The following LOXL2 variants were observed in gnomAD, a reference collection of about 807,000 sequenced individuals.
LOXL2 encodes lysyl oxidase like 2.
Under a neutral mutation model 93.0 loss-of-function variants are expected in LOXL2, and 70 were observed. That is an observed-to-expected ratio of 0.75 (90% CI 0.62 to 0.92). The LOEUF is 0.92. LOXL2 is among the 40% of genes least tolerant of loss of function. LOXL2 has a pLI of 0.00. For missense variants in LOXL2, 973 were observed against 1,054.9 expected (o/e 0.92, Z 1.08); for synonymous variants, 438 against 413.2 (o/e 1.06, Z -0.73).
chr8:23,352,376 A>T (rs964047385), intron 3 of LOXL2, among the ~76,000 whole-genome samples: 1 of 152,040 alleles, frequency 6.6e-6, no homozygotes, highest in South Asian at 2.1e-4. Flanking sequence ...GCATGGGGGG[A>T]CCACTATCTT....
intron 1 of LOXL2, among the ~76,000 whole-genome samples, chr8:23,403,709 G>C (rs937947532): frequency 2.6e-5 from 4 of 151,890 alleles, no homozygotes; most frequent in Admixed American, 6.6e-5. Context: ...CTCGCTCCCC[G>C]GGCGCGCCAG....
In LOXL2 at chr8:23,333,639, G is replaced by T. The variant is rs199523323; in HGVS notation, c.744-16C>A. On this transcript the variant is annotated splice_polypyrimidine_tract_variant and intron_variant, in intron 4 of 13. Transcript: ENST00000389131. ...GGCAAACATTCTGCAGACGATGGGA[G>T]GGGACAGGGGACCAGGGCATCATGA... is the stretch of plus-strand genomic sequence containing the variant. 69 of 1,600,302 alleles carry T rather than the reference G, an allele frequency of 4.3e-5. No individual in the cohort carries two copies. The African/African-American group carries it at 9.1e-4, about 21-fold the overall frequency.
At chr8:23,310,617 ATAACTTATTTTTTTC>A in intron 9 of LOXL2, among the ~76,000 whole-genome samples, 1 of 152,240 alleles carries the variant, frequency 6.6e-6, no homozygotes, top group South Asian at 2.1e-4. Flanking sequence ...ATCTGTGCAT[ATAACTTATTTTTTTC>A]TTTAGAATAT....
chr8:23,346,158 A>AATAAAATAATAAAAT (rs1554479829), intron 3 of LOXL2, among the ~76,000 whole-genome samples: 1 of 138,098 alleles, frequency 7.2e-6, no homozygotes, highest in Non-Finnish European at 1.5e-5. Flanking sequence ...AAATAAAATA[A>AATAAAATAATAAAAT]AAAATAAAAT....
chr8:23,308,584 A>G (rs1159419173), intron 10 of LOXL2, among the ~76,000 whole-genome samples: 1 of 152,166 alleles, frequency 6.6e-6, no homozygotes, highest in East Asian at 1.9e-4. Flanking sequence ...TTCAGGTCTG[A>G]GCAAAAAAAT....
At chr8:23,328,682 G>T in intron 5 of LOXL2, 117 bp from the exon 6 acceptor site, 1 of 871,608 alleles carries the variant, frequency 1.1e-6, no homozygotes, top group Non-Finnish European at 1.8e-6. Flanking sequence ...ACTCAGTCTG[G>T]GAGCTGCAAC....
intron 1 of LOXL2, among the ~76,000 whole-genome samples, chr8:23,383,876 G>T (rs1360231212): frequency 2.6e-5 from 4 of 151,866 alleles, no homozygotes; most frequent in African/African-American, 7.3e-5. Context: ...TAGCCAGGAT[G>T]GTCTCGATCT....
rs1185917698 is a variant in LOXL2, at chr8:23,297,344, G to A, written c.*699C>T. On this transcript the variant is annotated 3_prime_UTR_variant, in exon 14 of 14. Coordinates refer to ENST00000389131, the MANE Select transcript of LOXL2 (RefSeq NM_002318.3). ...AGGAAGATGAGTCACTTACACAGTG[G>A]GTTGGTTTTTCCTTAGATTTGTACT... 1 of 152,148 alleles carries A rather than the reference G, an allele frequency of 6.6e-6. No homozygotes were observed. Among genetic ancestry groups the A allele is most frequent in the African/African-American group, 2.4e-5 (1 of 41,394 alleles). The allele number at this position is 152,148 out of a possible 1,614,324, so 9.4% of individuals were successfully genotyped here. A position where few individuals can be genotyped will look rare whatever the true frequency, so the allele number is the denominator to read the frequency against.
intron 5 of LOXL2, among the ~76,000 whole-genome samples, chr8:23,332,950 C>G (rs1220543549): frequency 6.6e-6 from 1 of 151,044 alleles, no homozygotes; most frequent in African/African-American, 2.4e-5. Flanking sequence ...TATAATGTGA[C>G]TAATGTATAG....
intron 2 of LOXL2, among the ~76,000 whole-genome samples, chr8:23,360,956 A>T (rs1238841898): frequency 6.6e-6 from 1 of 151,432 alleles, no homozygotes; most frequent in Non-Finnish European, 1.5e-5. Flanking sequence ...GCTGGAGTGC[A>T]GTGGCGTGAT....
At chr8:23,338,054 G>A (rs534716559) in intron 4 of LOXL2, among the ~76,000 whole-genome samples, 5 of 152,340 alleles carry the variant, frequency 3.3e-5, no homozygotes, top group Non-Finnish European at 5.9e-5. Flanking sequence ...CATGGCAGAA[G>A]GTGAAGGAGG....
chr8:23,368,170 G>C lies in LOXL2; in HGVS notation c.182C>G (p.Ala61Gly), dbSNP rs1033058356. 1.2e-6 allele frequency: 2 copies of C among 1,614,102 alleles called. No homozygotes were observed. Among genetic ancestry groups the C allele is most frequent in the Non-Finnish European group, 1.7e-6 (2 of 1,180,024 alleles). The change falls in exon 2 of 14, where the codon GCT becomes GGT. Residue 61 changes from alanine (A) to glycine (G), a missense_variant. Ala to Gly is a moderately conservative substitution (Grantham distance 60). Coordinates refer to ENST00000389131, the MANE Select transcript of LOXL2 (RefSeq NM_002318.3). The part of the protein sequence containing the change: ...ANVAKIQLRL[A>G]GQKRKHSEGR... ...CTCGCTGTGCTTCCTCTTCTGCCCA[G>C]CCAGGCGCAGCTGAATCTTGGCCAC...
intron 1 of LOXL2, among the ~76,000 whole-genome samples, chr8:23,384,725 C>T (rs1207117807): frequency 2.0e-5 from 3 of 152,100 alleles, no homozygotes; most frequent in Admixed American, 6.5e-5. Context: ...ACCAGCCTGG[C>T]CAATGTGGTG....
In LOXL2 at chr8:23,333,956, G is replaced by A. The variant is rs182686507; in HGVS notation, c.744-333C>T. On this transcript the variant is annotated intron_variant, in intron 4 of 13. Transcript: ENST00000389131. ...GAATGCACAAAGGTATTTAAAACAG[G>A]TGAGATCCCTGGTCCTAGAAAACCC... is the stretch of plus-strand genomic sequence containing the variant. 2.5e-3 allele frequency among the ~76,000 whole-genome samples: 388 copies of A among 152,294 alleles called. 1 individual carries two copies. Among genetic ancestry groups the A allele is most frequent in the African/African-American group, 8.5e-3 (354 of 41,562 alleles).
intron 1 of LOXL2, among the ~76,000 whole-genome samples, chr8:23,381,259 A>G (rs1229286238): frequency 6.6e-6 from 1 of 152,216 alleles, no homozygotes; most frequent in Admixed American, 6.5e-5. Flanking sequence ...ATGGATACAT[A>G]ATAATCAAGT....
chr8:23,368,314 A>C lies in LOXL2; in HGVS notation c.38T>G (p.Leu13Arg). The part of the protein sequence containing the change: ...RPLCSHLCSC[L>R]AMLALLSPLS... ...GGGGGACAGGAGGGCCAGCATAGCC[A>C]GGCAGCTGCAGAGGTGGGAGCACAG... Residue 13 changes from leucine (L) to arginine (R), a missense_variant, in exon 2 of 14, where the codon CTG becomes CGG. By Grantham distance (102) the Leu-to-Arg change is moderately radical (BLOSUM62 -2). Coordinates refer to ENST00000389131, the MANE Select transcript of LOXL2 (RefSeq NM_002318.3). 1 of 1,613,016 alleles carries C rather than the reference A, an allele frequency of 6.2e-7. No individual in the cohort carries two copies. The highest frequency in any genetic ancestry group is 8.5e-7 in the Non-Finnish European group (1 of 1,180,018).
At chr8:23,367,819 C>T (rs79981843) in intron 2 of LOXL2, among the ~76,000 whole-genome samples, 178 bp downstream of exon 2, 1,909 of 152,334 alleles carry the variant, frequency 0.013, 34 homozygotes, top group African/African-American at 0.043. Flanking sequence ...CCCCCGACCC[C>T]GCCTTCCTGC....
intron 5 of LOXL2, 159 bp from the exon 6 acceptor site, chr8:23,328,724 T>TGTGTGC: frequency 1.6e-6 from 1 of 624,940 alleles, no homozygotes; most frequent in Non-Finnish European, 2.8e-6. Flanking sequence ...TGTGTGTGTG[T>TGTGTGC]GTGTGTGTGT....
intron 9 of LOXL2, among the ~76,000 whole-genome samples, chr8:23,313,283 T>C (rs895674131): frequency 7.9e-5 from 12 of 152,160 alleles, no homozygotes; most frequent in African/African-American, 2.6e-4. Context: ...CTTCACAGAA[T>C]TGGAAAAAAC....
Sources: allele counts gnomAD v4.1 joint callset (sites outside exome capture counted in the v4.1 genomes callset), GRCh38; gene constraint gnomAD v4.1.1; transcripts MANE v1.5; gene names NCBI Gene and HGNC (gene_info 2026-07-23, HGNC 2026-07-21).